The following NDUFAF6 variants were observed in gnomAD, a reference collection of about 807,000 sequenced individuals.
NDUFAF6 encodes NADH dehydrogenase (ubiquinone) complex I, assembly factor 6.
In NDUFAF6, 45 loss-of-function variants were observed where a neutral mutation model predicts 40.8. The ratio of observed to expected loss-of-function variants is 1.10; its 90% CI spans 0.87 to 1.42. NDUFAF6 has a LOEUF of 1.42. Ranked by LOEUF, NDUFAF6 falls within the 40% of genes most tolerant of loss-of-function variation. The probability of loss-of-function intolerance (pLI) is 0.00; values close to 1 mark genes in which losing one functional copy is unlikely to be tolerated. For missense variants in NDUFAF6, 435 were observed against 418.5 expected, an observed-to-expected ratio of 1.04 and a Z score of -0.34; for synonymous variants, 185 against 155.9, an observed-to-expected ratio of 1.19 and a Z score of -1.39.
chr8:94,980,444 T>TG (rs1198657747), intron 1 of NDUFAF6, among the ~76,000 whole-genome samples: 20 of 138,770 alleles, frequency 1.4e-4, no homozygotes, highest in African/African-American at 3.8e-4. Flanking sequence ...GTTTTTTTGT[T>TG]TTTTTTTTTT....
intron 1 of NDUFAF6, among the ~76,000 whole-genome samples, chr8:94,931,323 C>CAAG (rs1820370484): frequency 6.6e-6 from 1 of 152,142 alleles, no homozygotes; most frequent in African/African-American, 2.4e-5. Flanking sequence ...GAATAAATCT[C>CAAG]TTAAGTTTTT....
intron 1 of NDUFAF6, among the ~76,000 whole-genome samples, chr8:94,978,464 C>G (rs1825150159): frequency 6.6e-6 from 1 of 152,120 alleles, no homozygotes; most frequent in Non-Finnish European, 1.5e-5. Context: ...GCCTGTAATC[C>G]CAACATTTTG....
intron 2 of NDUFAF6, among the ~76,000 whole-genome samples, chr8:95,019,964 C>T (rs557334375): frequency 1.3e-5 from 2 of 152,164 alleles, no homozygotes; most frequent in Admixed American, 1.3e-4. Flanking sequence ...TTTGGGAGGC[C>T]GAGGCAGGCA....
intron 1 of NDUFAF6, among the ~76,000 whole-genome samples, chr8:95,026,340 C>T (rs925800419): frequency 6.6e-6 from 1 of 152,134 alleles, no homozygotes; most frequent in East Asian, 1.9e-4. Context: ...TTGTGTCCCG[C>T]GCTTGTGGTC....
intron 1 of NDUFAF6, among the ~76,000 whole-genome samples, chr8:94,914,497 A>G (rs1818996559): frequency 6.6e-6 from 1 of 152,202 alleles, no homozygotes; most frequent in African/African-American, 2.4e-5. Flanking sequence ...GTGGCCAACA[A>G]TAGTGGCACA....
chr8:94,935,128 T>TTAGATAG (rs149916195), intron 1 of NDUFAF6, among the ~76,000 whole-genome samples: 10 of 144,750 alleles, frequency 6.9e-5, no homozygotes, highest in East Asian at 6.1e-4. Flanking sequence ...GGTAGATAGA[T>TTAGATAG]ATAGATAGAT....
intron 1 of NDUFAF6, among the ~76,000 whole-genome samples, chr8:95,030,062 A>G (rs1310607381): frequency 6.6e-6 from 1 of 152,150 alleles, no homozygotes; most frequent in Non-Finnish European, 1.5e-5. Context: ...AGTTAATACT[A>G]TGATAGTTAT....
chr8:94,994,366 C>G (rs534724100), intron 2 of NDUFAF6, among the ~76,000 whole-genome samples: 1 of 152,120 alleles, frequency 6.6e-6, no homozygotes, highest in Non-Finnish European at 1.5e-5. Flanking sequence ...GCCTGGCCAA[C>G]ATGGTGAAAC....
intron 1 of NDUFAF6, among the ~76,000 whole-genome samples, chr8:94,977,995 A>G (rs1277257025): frequency 6.6e-6 from 1 of 152,068 alleles, no homozygotes; most frequent in African/African-American, 2.4e-5. Context: ...CGTTTGTTCT[A>G]ATACTTGGTC....
intron 2 of NDUFAF6, among the ~76,000 whole-genome samples, chr8:94,998,414 A>G (rs1375955436): frequency 6.6e-6 from 1 of 151,012 alleles, no homozygotes; most frequent in Non-Finnish European, 1.5e-5. Context: ...ACACACACAC[A>G]CACGCAATGA....
chr8:94,981,651 C>G (rs1263804725), intron 2 of NDUFAF6, among the ~76,000 whole-genome samples: 3 of 152,104 alleles, frequency 2.0e-5, no homozygotes, highest in African/African-American at 7.2e-5. Flanking sequence ...TTTTTAGACA[C>G]TGATAACCAA....
chr8:94,902,132 G>A (rs888939279), intron 1 of NDUFAF6, among the ~76,000 whole-genome samples: 8 of 151,982 alleles, frequency 5.3e-5, no homozygotes, highest in Non-Finnish European at 8.8e-5. Flanking sequence ...AATATGAAAG[G>A]TATAGCCCGG....
intron 4 of NDUFAF6, among the ~76,000 whole-genome samples, chr8:95,043,395 T>G (rs955606818): frequency 5.3e-5 from 8 of 151,820 alleles, no homozygotes; most frequent in Non-Finnish European, 1.2e-4. Flanking sequence ...TAGGCAGTGG[T>G]TTTTTAGATG....
At chr8:94,999,712 G>A (rs976178759) in intron 2 of NDUFAF6, among the ~76,000 whole-genome samples, 1 of 151,316 alleles carries the variant, frequency 6.6e-6, no homozygotes, top group African/African-American at 2.4e-5. Flanking sequence ...CCACCACACC[G>A]GGCCCATTCT....
At chr8:95,082,360 G>A (rs913534883) in intron 2 of NDUFAF6, among the ~76,000 whole-genome samples, 2 of 152,078 alleles carry the variant, frequency 1.3e-5, no homozygotes, top group Non-Finnish European at 2.9e-5. Flanking sequence ...GGTAGGAAAT[G>A]GGGTGGGTGC....
At chr8:95,091,223 A>T (rs576454994) in intron 2 of NDUFAF6, among the ~76,000 whole-genome samples, 2 of 152,220 alleles carry the variant, frequency 1.3e-5, no homozygotes, top group African/African-American at 4.8e-5. Flanking sequence ...TAATTGACTC[A>T]CAGTTCCACA....
At chr8:94,933,260 T>C (rs1369926982) in intron 1 of NDUFAF6, among the ~76,000 whole-genome samples, 2 of 152,128 alleles carry the variant, frequency 1.3e-5, no homozygotes, top group African/African-American at 2.4e-5. Flanking sequence ...CCTTTATATA[T>C]GGAAAAGTAT....
At chr8:94,905,262 G>A (rs1818318491) in intron 1 of NDUFAF6, among the ~76,000 whole-genome samples, 1 of 150,926 alleles carries the variant, frequency 6.6e-6, no homozygotes, top group Admixed American at 6.6e-5. Context: ...TTTCTGCAGG[G>A]AGGAAGTTTT....
intron 4 of NDUFAF6, among the ~76,000 whole-genome samples, chr8:95,109,951 C>T (rs117495687): frequency 1.6e-3 from 246 of 152,256 alleles, no homozygotes; most frequent in Middle Eastern, 3.4e-3. Context: ...TATTCTTCTC[C>T]TCTTTATCAT....
Sources: gnomAD v4.1 joint callset for allele counts (sites outside exome capture counted in the v4.1 genomes callset) on GRCh38, gnomAD v4.1.1 for gene constraint, MANE v1.5 for transcripts, NCBI Gene and HGNC (gene_info 2026-07-23, HGNC 2026-07-21) for gene names.